Variants in SPTBN5 observed in about 807,000 individuals in gnomAD.
SPTBN5 encodes spectrin beta, non-erythrocytic 5.
A neutral mutation model predicts 477.6 loss-of-function variants in SPTBN5; 513 were observed. That is an observed-to-expected ratio of 1.07 (90% CI 1.00 to 1.16). The LOEUF is 1.16. Ranked by LOEUF, SPTBN5 falls within the 50% of genes most tolerant of loss-of-function variation. The pLI, the probability that SPTBN5 is intolerant of heterozygous loss-of-function variation, is 0.00. For missense variants in SPTBN5, 5,062 were observed against 4,731.8 expected (o/e 1.07, Z -2.05); for synonymous variants, 2,169 against 2,011.7 (o/e 1.08, Z -2.09).
At chr15:41,875,180 G>C (rs1448169069) in intron 22 of SPTBN5, 124 bp from the exon 23 acceptor site, 2 of 972,314 alleles carry the variant, frequency 2.1e-6, no homozygotes, top group Non-Finnish European at 3.0e-6. Flanking sequence ...CCCCACCACT[G>C]CCAACCCTCG....
chr15:41,861,732 T>G lies in SPTBN5; in HGVS notation c.7737+3A>C. The G allele has an allele frequency of 6.5e-7, 1 of 1,541,340 alleles. No individual in the cohort carries two copies. The highest frequency in any genetic ancestry group is 8.7e-7 in the Non-Finnish European group (1 of 1,147,096). On this transcript the variant is annotated splice_donor_region_variant and intron_variant, in intron 45 of 67. Coordinates refer to ENST00000320955, the MANE Select transcript of SPTBN5 (RefSeq NM_016642.4). ...TGCAGGCTGGGGATGGGACTGTGCC[T>G]GCCTGTAGCTCCAGGGCCTGCTGCA...
intron 27 of SPTBN5, 66 bp from the exon 28 acceptor site, chr15:41,871,983 G>C (rs1380342031): frequency 1.4e-6 from 2 of 1,447,608 alleles, no homozygotes; most frequent in African/African-American, 2.9e-5. Flanking sequence ...AGTCGGGCCA[G>C]CCAGAGGGGC....
chr15:41,852,970 G>T lies in SPTBN5; in HGVS notation c.10201C>A (p.Arg3401=). Residue 3401 remains arginine, a synonymous_variant, in exon 60 of 68, where the codon CGG becomes AGG. Transcript: ENST00000320955. ...CAAGCCTCCTCCAGCTCCTGCAGCC[G>T]CCCTTCCAGCTCCTGCAGGCACTCT... ...VTECLQELEG[R]LQELEEAWAL... is the part of the protein sequence containing the mutation. 1 of 1,559,976 alleles carries T rather than the reference G, an allele frequency of 6.4e-7. No homozygotes were observed. Among genetic ancestry groups the T allele is most frequent in the Non-Finnish European group, 8.7e-7 (1 of 1,152,696 alleles).
At chr15:41,850,046 A>C (rs2065700088) in intron 66 of SPTBN5, 87 bp from the exon 67 acceptor site, 1 of 1,157,186 alleles carries the variant, frequency 8.6e-7, no homozygotes. Context: ...CAGCTTCTGG[A>C]GGCTCAGCAC....
At position 41,879,275 on chromosome 15, in the gene SPTBN5, T is replaced by G. The variant is rs770439093; in HGVS notation, c.3167A>C (p.Gln1056Pro). 20 of 1,611,730 alleles carry G rather than the reference T, an allele frequency of 1.2e-5. No homozygotes were observed. In the South Asian group the frequency reaches 2.2e-4, roughly 18 times the overall value. Reference protein sequence around the residue: ...LVLERRVHFLQSVVVKVEEPG... With the variant: ...LVLERRVHFLPSVVVKVEEPG... ...CTGGCCGTACTTTACGACCACACTT[T>G]GGAGGAAGTGGACCCTCCTCTCCAG... Residue 1056 changes from glutamine to proline, a missense_variant, in exon 16 of 68, where the codon CAA (glutamine) becomes CCA (proline). By Grantham distance (76) the Gln-to-Pro change is moderately conservative (BLOSUM62 -1). Coordinates refer to ENST00000320955, the MANE Select transcript of SPTBN5 (RefSeq NM_016642.4).
chr15:41,866,600 C>G (rs8025684), intron 36 of SPTBN5, 107 bp from the exon 37 acceptor site: 3 of 1,268,752 alleles, frequency 2.4e-6, no homozygotes, highest in East Asian at 5.5e-5. Context: ...AGGGGTGGGG[C>G]GGGCAGCACC....
intron 3 of SPTBN5, 82 bp from the exon 4 acceptor site, chr15:41,890,287 G>T: frequency 1.1e-6 from 1 of 933,148 alleles, no homozygotes; most frequent in Non-Finnish European, 1.7e-6. Context: ...GGGGCCAGCT[G>T]CGGGATGGGA....
chr15:41,893,227 C>T, intron 2 of SPTBN5, 55 bp downstream of exon 2: 2 of 1,609,608 alleles, frequency 1.2e-6, no homozygotes, highest in South Asian at 2.2e-5. Flanking sequence ...GGCCCACTGG[C>T]CAGAGCTGGG....
chr15:41,855,267 G>A lies in SPTBN5; in HGVS notation c.9380C>T (p.Thr3127Ile), dbSNP rs1465476236. 3 of 1,612,540 alleles carry A rather than the reference G, an allele frequency of 1.9e-6. No homozygotes were observed. Among genetic ancestry groups the A allele is most frequent in the Non-Finnish European group, 2.5e-6 (3 of 1,179,734 alleles). The stretch of plus-strand genomic sequence containing the variant: ...CTGCCCGTAGTCCTGGGACTCGGCG[G>A]TGGCCGCCTTGGTGGTCAGCCAGGC... ...LDAWLTTKAA[T>I]AESQDYGQDL... The change falls in exon 55 of 68, where the codon ACC (threonine) becomes ATC (isoleucine). Residue 3127 changes from threonine (T) to isoleucine (I), a missense_variant. Transcript: ENST00000320955.
At chr15:41,862,752 GA>G in intron 42 of SPTBN5, 37 bp downstream of exon 42, 1 of 1,548,012 alleles carries the variant, frequency 6.5e-7, no homozygotes, top group African/African-American at 1.4e-5. Flanking sequence ...TCCTACTCAG[GA>G]GATGCCCTGG....
At chr15:41,880,967 G>A in intron 13 of SPTBN5, 67 bp downstream of exon 13, 1 of 1,385,042 alleles carries the variant, frequency 7.2e-7, no homozygotes, top group South Asian at 1.3e-5. Flanking sequence ...TTGTCCCCTG[G>A]GATCACTGCA....
chr15:41,875,371 G>A, intron 22 of SPTBN5, 87 bp downstream of exon 22: 1 of 1,454,100 alleles, frequency 6.9e-7, no homozygotes, highest in Non-Finnish European at 9.2e-7. Context: ...AGGGTCAGCA[G>A]AACACCCAGA....
chr15:41,886,055 C>G lies in SPTBN5; in HGVS notation c.1200G>C (p.Trp400Cys). 1 of 1,587,984 alleles carries G rather than the reference C, an allele frequency of 6.3e-7. No homozygotes were observed. ...GLGLAELSQC[W>C]AGLEWAEAAR... The stretch of plus-strand genomic sequence containing the variant: ...CAGCCTCTGCCCACTCCAGCCCTGC[C>G]CAGCACTGGGACAGCTCTGCAAGGC... The change falls in exon 7 of 68, where the codon TGG becomes TGC. Residue 400 changes from tryptophan to cysteine, a missense_variant. Transcript: ENST00000320955.
rs2065960097 is a variant in SPTBN5, at chr15:41,857,462, C to A, written c.8397G>T (p.Leu2799=). 1 of 1,609,062 alleles carries A rather than the reference C, an allele frequency of 6.2e-7. No homozygotes were observed. ...CCTCGATGGGCTCCAGCCAGTTCTCCAGTTCCTCCATGCTCCGCCGCAGAC... is the reference window on the plus strand; with the variant it reads ...CCTCGATGGGCTCCAGCCAGTTCTCAAGTTCCTCCATGCTCCGCCGCAGAC... ...ALRLRRSMEE[L]ENWLEPIEVE... Residue 2799 remains leucine, a synonymous_variant, in exon 51 of 68, where the codon CTG becomes CTT. Transcript: ENST00000320955.
intron 46 of SPTBN5, 25 bp from the exon 47 acceptor site, chr15:41,860,783 C>T (rs1403186216): frequency 2.0e-6 from 3 of 1,522,694 alleles, no homozygotes; most frequent in Non-Finnish European, 2.6e-6. Flanking sequence ...GAACCCAATA[C>T]TGTCCATGAG....
intron 66 of SPTBN5, chr15:41,850,226 G>C: frequency 2.1e-6 from 1 of 475,286 alleles, no homozygotes; most frequent in East Asian, 3.8e-5. Context: ...CTGGAATGTC[G>C]AACAACTCAA....
In SPTBN5 at chr15:41,861,883, C is replaced by T. The variant is rs201861086; in HGVS notation, c.7589G>A (p.Arg2530Gln). Residue 2530 changes from arginine to glutamine, a missense_variant, in exon 45 of 68, where the codon CGA becomes CAA. Physicochemically the swap from Arg to Gln is conservative, Grantham distance 43. Coordinates refer to ENST00000320955, the MANE Select transcript of SPTBN5 (RefSeq NM_016642.4). ...TGTGAGCAGTTGCTGCCCAGTGCTT[C>T]GGGCCAGGCTGATGCTGTCTGTCCA... ...DSWTDSISLARSTGQQLLTAG... is the reference protein window; with the variant it reads ...DSWTDSISLAQSTGQQLLTAG... The T allele has an allele frequency of 1.1e-3, 1,694 of 1,608,222 alleles. 4 individuals are homozygous for T. Among genetic ancestry groups the T allele is most frequent in the Non-Finnish European group, 1.2e-3 (1,384 of 1,179,442 alleles).
intron 54 of SPTBN5, 38 bp downstream of exon 54, chr15:41,855,509 TTC>T: frequency 6.2e-7 from 1 of 1,600,692 alleles, no homozygotes; most frequent in Non-Finnish European, 8.5e-7. Flanking sequence ...TGTAGGGGGC[TTC>T]TCTCTGCTCC....
chr15:41,871,446 CAG>C lies in SPTBN5; in HGVS notation c.5374_5375del (p.Leu1792AlafsTer162), dbSNP rs1445287530. Reference protein sequence around the residue: ...MGSQRVAACRLLAESLLERGH... With the variant: ...MGSQRVAACRXLAESLLERGH... Reference sequence around the variant, plus strand: ...CACGCTCTAGCAGGCTCTCCGCCAGCAGCCGGCAGGCGGCCACCCGCTGGCTG... The same window carrying C: ...CACGCTCTAGCAGGCTCTCCGCCAGCCCGGCAGGCGGCCACCCGCTGGCTG... On this transcript the variant is annotated frameshift_variant, in exon 29 of 68. Coordinates refer to ENST00000320955, the MANE Select transcript of SPTBN5 (RefSeq NM_016642.4). LOFTEE classifies it high-confidence loss of function. 25 of 1,541,846 alleles carry C rather than the reference CAG, an allele frequency of 1.6e-5. No homozygotes were observed. Among genetic ancestry groups the C allele is most frequent in the Non-Finnish European group, 2.2e-5 (25 of 1,142,624 alleles).
Sources: gnomAD v4.1 joint callset for allele counts on GRCh38, gnomAD v4.1.1 for gene constraint, MANE v1.5 for transcripts, NCBI Gene and HGNC (gene_info 2026-07-23, HGNC 2026-07-21) for gene names.